Variants in SPAG16 observed in about 807,000 individuals in gnomAD.
SPAG16 encodes sperm associated antigen 16, also known as sperm-associated antigen 16 protein.
A neutral mutation model predicts 80.4 loss-of-function variants in SPAG16; 86 were observed. That is an observed-to-expected ratio of 1.07 (90% CI 0.90 to 1.28). SPAG16 has a LOEUF of 1.28. Among genes scored for constraint, SPAG16 ranks in the 50% most tolerant of loss-of-function variants. SPAG16 has a pLI of 0.00. For missense variants in SPAG16, 870 were observed against 765.3 expected, an observed-to-expected ratio of 1.14 and a Z score of -1.61; for synonymous variants, 294 against 265.9, an observed-to-expected ratio of 1.11 and a Z score of -1.03.
At chr2:213,382,214 A>G (rs1193215949) in intron 9 of SPAG16, among the ~76,000 whole-genome samples, 1 of 152,194 alleles carries the variant, frequency 6.6e-6, no homozygotes, top group East Asian at 1.9e-4. Context: ...CACAATTTAA[A>G]TTATAATTCT....
intron 13 of SPAG16, among the ~76,000 whole-genome samples, chr2:214,064,486 G>A (rs1211771823): frequency 6.6e-6 from 1 of 151,754 alleles, no homozygotes; most frequent in East Asian, 1.9e-4. Flanking sequence ...AGAAATATTC[G>A]GAGACCTCTA....
At chr2:213,388,231 T>C (rs2067554435) in intron 9 of SPAG16, among the ~76,000 whole-genome samples, 1 of 152,214 alleles carries the variant, frequency 6.6e-6, no homozygotes, top group South Asian at 2.1e-4. Flanking sequence ...ATCTGTGCTC[T>C]TATCTCTAAC....
intron 11 of SPAG16, among the ~76,000 whole-genome samples, chr2:213,873,932 C>G (rs536454733): frequency 2.0e-5 from 3 of 152,110 alleles, no homozygotes; most frequent in African/African-American, 7.2e-5. Context: ...ACTATACAGA[C>G]TATAGCATAT....
At chr2:213,492,437 C>T (rs1335765859) in intron 10 of SPAG16, among the ~76,000 whole-genome samples, 1 of 151,856 alleles carries the variant, frequency 6.6e-6, no homozygotes, top group Admixed American at 6.6e-5. Context: ...GTAGTCCCAG[C>T]TACTCGGGAG....
chr2:214,332,929 T>G (rs1309566441), intron 15 of SPAG16, among the ~76,000 whole-genome samples: 1 of 152,194 alleles, frequency 6.6e-6, no homozygotes, highest in Non-Finnish European at 1.5e-5. Context: ...TACCTTGCCT[T>G]TATATGCCCA....
chr2:214,035,113 G>A (rs1206540862), intron 13 of SPAG16, among the ~76,000 whole-genome samples: 1 of 152,046 alleles, frequency 6.6e-6, no homozygotes, highest in Non-Finnish European at 1.5e-5. Flanking sequence ...TCTCTGCAGA[G>A]AGGAGACCGT....
chr2:213,449,019 T>C (rs2071525011), intron 9 of SPAG16, among the ~76,000 whole-genome samples: 1 of 152,150 alleles, frequency 6.6e-6, no homozygotes, highest in Admixed American at 6.5e-5. Flanking sequence ...GTAGGAGAGA[T>C]ATCATCAAAT....
At chr2:213,348,096 A>G (rs942918831) in intron 6 of SPAG16, among the ~76,000 whole-genome samples, 1 of 152,162 alleles carries the variant, frequency 6.6e-6, no homozygotes, top group African/African-American at 2.4e-5. Context: ...TATATTTAGG[A>G]TAGTTAGCTC....
At chr2:214,220,224 C>G (rs1480033245) in intron 15 of SPAG16, among the ~76,000 whole-genome samples, 1 of 151,930 alleles carries the variant, frequency 6.6e-6, no homozygotes, top group Non-Finnish European at 1.5e-5. Context: ...GTCTTGAATC[C>G]TTGGTCCAGA....
Position 214,183,925 on chromosome 2 carries a change from C to T in SPAG16, c.1720+34659C>T, listed in dbSNP as rs537596068. ...TACAGGATAAGTACATATCTTAAAA[C>T]ATTTGGGGGTTTTGACATAAATCTT... On this transcript the variant is annotated intron_variant, in intron 15 of 15. Transcript: ENST00000331683. Among the ~76,000 whole-genome samples the T allele has an allele frequency of 2.3e-4, 35 of 152,138 alleles. No individual in the cohort carries two copies. In the South Asian group the frequency reaches 7.0e-3, roughly 31 times the overall value.
At chr2:213,372,150 A>G (rs1289162233) in intron 8 of SPAG16, among the ~76,000 whole-genome samples, 1 of 152,104 alleles carries the variant, frequency 6.6e-6, no homozygotes, top group Admixed American at 6.5e-5. Flanking sequence ...ATTAATTTCA[A>G]AAAGCTTATG....
intron 11 of SPAG16, among the ~76,000 whole-genome samples, chr2:213,909,844 G>A (rs902309043): frequency 6.6e-6 from 1 of 152,174 alleles, no homozygotes; most frequent in Non-Finnish European, 1.5e-5. Flanking sequence ...ACAGCCAGAA[G>A]TGCTGTATCA....
chr2:213,874,633 A>G (rs1438070804), intron 11 of SPAG16, among the ~76,000 whole-genome samples: 1 of 152,160 alleles, frequency 6.6e-6, no homozygotes, highest in South Asian at 2.1e-4. Flanking sequence ...GCCATATGGC[A>G]TTATGAAGGT....
intron 10 of SPAG16, among the ~76,000 whole-genome samples, chr2:213,848,341 G>A (rs1226919601): frequency 6.6e-6 from 1 of 152,198 alleles, no homozygotes; most frequent in Non-Finnish European, 1.5e-5. Flanking sequence ...AGAGATAACT[G>A]CATGGAAGTA....
At chr2:213,840,695 T>A (rs1346521384) in intron 10 of SPAG16, among the ~76,000 whole-genome samples, 2 of 152,074 alleles carry the variant, frequency 1.3e-5, no homozygotes, top group Non-Finnish European at 2.9e-5. Context: ...GAGACAGGAT[T>A]TCTAAATCTC....
intron 10 of SPAG16, among the ~76,000 whole-genome samples, chr2:213,741,424 G>C (rs574687200): frequency 1.1e-4 from 16 of 152,022 alleles, no homozygotes; most frequent in African/African-American, 3.4e-4. Context: ...AAAACCAGAA[G>C]CAAATATCTG....
chr2:213,610,443 G>A (rs1259383168), intron 10 of SPAG16, among the ~76,000 whole-genome samples: 8 of 152,168 alleles, frequency 5.3e-5, no homozygotes, highest in Admixed American at 1.3e-4. Flanking sequence ...GTGAGATTTC[G>A]TCTACATAAC....
At chr2:213,881,690 C>G (rs931451109) in intron 11 of SPAG16, among the ~76,000 whole-genome samples, 3 of 152,156 alleles carry the variant, frequency 2.0e-5, no homozygotes, top group African/African-American at 7.2e-5. Context: ...TGAGAACTCA[C>G]CATCCCAAGA....
chr2:213,846,807 G>A (rs980322623), intron 10 of SPAG16, among the ~76,000 whole-genome samples: 3 of 151,946 alleles, frequency 2.0e-5, no homozygotes, highest in Admixed American at 6.6e-5. Context: ...CTAATTTATC[G>A]CTTCACAGTT....
Sources: gnomAD v4.1 joint callset for allele counts (sites outside exome capture counted in the v4.1 genomes callset) on GRCh38, gnomAD v4.1.1 for gene constraint, MANE v1.5 for transcripts, NCBI Gene and HGNC (gene_info 2026-07-23, HGNC 2026-07-21) for gene names.